ISM1: variants seen among roughly 807,000 people sequenced by gnomAD.
ISM1 encodes isthmin 1, also known as isthmin-1.
In ISM1, 25 loss-of-function variants were observed where a neutral mutation model predicts 46.3. That is an observed-to-expected ratio of 0.54 (90% CI 0.39 to 0.75). ISM1 has a LOEUF of 0.75. Among genes scored for constraint, ISM1 ranks in the 30% least tolerant of loss-of-function variants. The pLI is 0.00. For synonymous variants in ISM1, 255 were observed against 256.7 expected (o/e 0.99, Z 0.06); for missense variants, 536 against 625.4 (o/e 0.86, Z 1.52).
intron 3 of ISM1, among the ~76,000 whole-genome samples, chr20:13,281,487 A>G (rs2040237840): frequency 6.6e-6 from 1 of 152,206 alleles, no homozygotes; most frequent in Non-Finnish European, 1.5e-5. Flanking sequence ...ATTTCATTAA[A>G]TCAGCTCTCT....
chr20:13,314,407 C>G, the ISM1 span, among the ~76,000 whole-genome samples: 2 of 151,712 alleles, frequency 1.3e-5, no homozygotes, highest in Non-Finnish European at 2.9e-5. Context: ...TATAAAGGAG[C>G]AAAGATAAGA....
At chr20:13,289,692 G>C (rs1339582640) in intron 4 of ISM1, among the ~76,000 whole-genome samples, 2 of 151,940 alleles carry the variant, frequency 1.3e-5, no homozygotes, top group Non-Finnish European at 2.9e-5. Flanking sequence ...GGAGGAAGAG[G>C]AGGAGGAAGC....
chr20:13,282,616 G>A (rs1380935848), intron 3 of ISM1, among the ~76,000 whole-genome samples: 1 of 152,108 alleles, frequency 6.6e-6, no homozygotes, highest in African/African-American at 2.4e-5. Context: ...AGCATGCCTG[G>A]GCCATGGAGA....
At chr20:13,227,299 G>A (rs918895470) in intron 1 of ISM1, among the ~76,000 whole-genome samples, 7 of 146,738 alleles carry the variant, frequency 4.8e-5, no homozygotes, top group Admixed American at 1.4e-4. Flanking sequence ...CACCTCCTGG[G>A]TTCACACCAT....
intron 1 of ISM1, among the ~76,000 whole-genome samples, chr20:13,248,488 T>C (rs1197134623): frequency 6.6e-6 from 1 of 152,186 alleles, no homozygotes; most frequent in African/African-American, 2.4e-5. Context: ...CAGGAGAATC[T>C]TGAGTGTAGC....
At chr20:13,269,710 A>G (rs1418925560) in intron 1 of ISM1, among the ~76,000 whole-genome samples, 1 of 152,160 alleles carries the variant, frequency 6.6e-6, no homozygotes, top group Non-Finnish European at 1.5e-5. Context: ...CCACCTATCT[A>G]AGGTTTTCCC....
the ISM1 span, among the ~76,000 whole-genome samples, chr20:13,324,100 C>T: frequency 6.6e-6 from 1 of 152,172 alleles, no homozygotes; most frequent in African/African-American, 2.4e-5. Context: ...CCTATAAAAA[C>T]ATACTGTAAC....
At chr20:13,276,443 G>A (rs984010324) in intron 2 of ISM1, among the ~76,000 whole-genome samples, 4 of 152,174 alleles carry the variant, frequency 2.6e-5, no homozygotes, top group East Asian at 1.9e-4. Flanking sequence ...ACTTTTCCTC[G>A]TTTCCTAAGA....
chr20:13,293,736 G>A (rs946060562), intron 5 of ISM1, among the ~76,000 whole-genome samples: 7 of 152,202 alleles, frequency 4.6e-5, no homozygotes, highest in Admixed American at 1.3e-4. Flanking sequence ...CACTTTGGGA[G>A]GCTGAGGCGG....
rs1467870085 is a variant in ISM1 at position 13,268,119 on chromosome 20, CT to C, written c.139-2384del. Among the ~76,000 whole-genome samples, 3 of 110,408 alleles carry C rather than the reference CT, an allele frequency of 2.7e-5. No individual in the cohort carries two copies. The Admixed American group carries it at 2.9e-4, about 11-fold the overall frequency. 72.4% of individuals were successfully genotyped at this position (110,408 alleles called of 152,430 possible). A position where few individuals can be genotyped will look rare whatever the true frequency, so the allele number is the denominator to read the frequency against. ...CATGCTCTCTCTCCTCTCCTGTCTT[CT>C]CTTCTCTTCTCTTCTCTTCTCTTCT... On this transcript the variant is annotated intron_variant, in intron 1 of 5. Coordinates refer to ENST00000262487, the MANE Select transcript of ISM1 (RefSeq NM_080826.2).
chr20:13,262,516 A>G (rs200234418), intron 1 of ISM1, among the ~76,000 whole-genome samples: 1 of 94,740 alleles, frequency 1.1e-5, no homozygotes, highest in Non-Finnish European at 2.2e-5. Context: ...TGCTTCTTAC[A>G]TGTTTTCTTA....
intron 3 of ISM1, among the ~76,000 whole-genome samples, chr20:13,284,695 C>T (rs1437381583): frequency 1.3e-5 from 2 of 152,208 alleles, no homozygotes. Flanking sequence ...GCTGTGAAAG[C>T]TTCAGGGGAG....
chr20:13,275,002 C>G (rs537109669), intron 2 of ISM1, among the ~76,000 whole-genome samples: 1 of 152,308 alleles, frequency 6.6e-6, no homozygotes, highest in Admixed American at 6.5e-5. Context: ...ACTTTGGTAT[C>G]CTTGGCTGGG....
At chr20:13,268,380 CT>C (rs2040072748) in intron 1 of ISM1, among the ~76,000 whole-genome samples, 2 of 132,050 alleles carry the variant, frequency 1.5e-5, no homozygotes, top group South Asian at 2.4e-4. Context: ...CTCTCTCTCT[CT>C]CTCTCTCTCT....
downstream of ISM1, among the ~76,000 whole-genome samples, chr20:13,304,385 C>G (rs1249333716): frequency 6.6e-6 from 1 of 152,214 alleles, no homozygotes; most frequent in Non-Finnish European, 1.5e-5. Context: ...CACTCCCCCA[C>G]TGTCTTCCAC....
intron 1 of ISM1, among the ~76,000 whole-genome samples, chr20:13,222,166 G>A (rs2039458185): frequency 6.6e-6 from 1 of 152,210 alleles, no homozygotes. Flanking sequence ...CGGGTCAGGT[G>A]CGGGGTTGGT....
At chr20:13,243,229 T>C (rs1376073101) in intron 1 of ISM1, among the ~76,000 whole-genome samples, 1 of 152,178 alleles carries the variant, frequency 6.6e-6, no homozygotes, top group African/African-American at 2.4e-5. Context: ...GCACAACATT[T>C]AACATCTTTC....
chr20:13,269,447 T>C (rs906915367), intron 1 of ISM1, among the ~76,000 whole-genome samples: 1 of 152,228 alleles, frequency 6.6e-6, no homozygotes, highest in Admixed American at 6.5e-5. Context: ...AGAATGCCTT[T>C]TCGTGACTTT....
At chr20:13,276,366 T>A (rs796440944) in intron 2 of ISM1, among the ~76,000 whole-genome samples, 1 of 151,938 alleles carries the variant, frequency 6.6e-6, no homozygotes, top group African/African-American at 2.4e-5. Context: ...CGAGCAAGAA[T>A]CAAGAGTTTG....
Sources: gnomAD v4.1 joint callset for allele counts (sites outside exome capture counted in the v4.1 genomes callset) on GRCh38, gnomAD v4.1.1 for gene constraint, MANE v1.5 for transcripts, NCBI Gene and HGNC (gene_info 2026-07-23, HGNC 2026-07-21) for gene names.